Variants in ZNF43 observed in about 807,000 individuals in gnomAD.
The protein encoded by ZNF43 is zinc finger protein 43.
A neutral mutation model predicts 68.4 loss-of-function variants in ZNF43; 44 were observed. That is an observed-to-expected ratio of 0.64 (90% CI 0.51 to 0.83). The LOEUF is 0.83. Among genes scored for constraint, ZNF43 ranks in the 40% least tolerant of loss-of-function variants. ZNF43 has a pLI of 0.00. For missense variants in ZNF43, 896 were observed against 933.2 expected (o/e 0.96, Z 0.52); for synonymous variants, 308 against 307.8 (o/e 1.00, Z -0.01).
intron 1 of ZNF43, chr19:21,851,772 A>G (rs1968387571): frequency 3.1e-6 from 3 of 957,506 alleles, no homozygotes; most frequent in Admixed American, 3.2e-5. Flanking sequence ...CCCAGCCGCC[A>G]TCTTGCGGCC....
intron 1 of ZNF43, among the ~76,000 whole-genome samples, chr19:21,820,218 T>TA (rs1019940595): frequency 2.9e-5 from 4 of 138,208 alleles, no homozygotes; most frequent in South Asian, 2.1e-4. Context: ...ATAATAATAA[T>TA]ATATATATAT....
chr19:21,807,849 C>T lies in ZNF43; in HGVS notation c.2188G>A (p.Gly730Arg). 6.2e-7 allele frequency: 1 copy of T among 1,613,158 alleles called. No individual in the cohort carries two copies. The highest frequency in any genetic ancestry group is 1.7e-5 in the Admixed American group (1 of 59,978). ...NLIEHKKIHTGEQPYKCEECG... is the reference protein window; with the variant it reads ...NLIEHKKIHTREQPYKCEECG... ...TCTTCACATTTGTAGGGTTGCTCTC[C>T]AGTATGAATTTTCTTATGTTCAATA... The change falls in exon 4 of 4, where the codon GGA (glycine) becomes AGA (arginine). Residue 730 changes from glycine to arginine, a missense_variant. Coordinates refer to ENST00000354959, the MANE Select transcript of ZNF43 (RefSeq NM_003423.4).
chr19:21,822,496 G>C (rs1428011524), intron 1 of ZNF43, among the ~76,000 whole-genome samples: 1 of 151,454 alleles, frequency 6.6e-6, no homozygotes, highest in Admixed American at 6.6e-5. Context: ...AAAGCAGAGA[G>C]ATGAACCTAT....
rs766585124 is a variant in ZNF43, at chr19:21,819,223, TA to T, written c.4-3del. On this transcript the variant is annotated splice_polypyrimidine_tract_variant and splice_region_variant and intron_variant, in intron 1 of 3. Coordinates refer to ENST00000354959, the MANE Select transcript of ZNF43 (RefSeq NM_003423.4). The stretch of plus-strand genomic sequence containing the variant: ...CACATCCATAAATGTCAATGGTCCC[TA>T]AAAAAAACAACACATACACACACAA... 1.3e-5 allele frequency: 20 copies of T among 1,582,508 alleles called. No homozygotes were observed. The highest frequency in any genetic ancestry group is 7.0e-5 in the South Asian group (6 of 86,248).
At chr19:21,834,847 T>C (rs2038617449) in intron 1 of ZNF43, among the ~76,000 whole-genome samples, 1 of 151,442 alleles carries the variant, frequency 6.6e-6, no homozygotes, top group Admixed American at 6.6e-5. Flanking sequence ...CATCCAATGA[T>C]TTTTCAAAAA....
At chr19:21,812,943 A>T (rs2037350189) in intron 3 of ZNF43, among the ~76,000 whole-genome samples, 1 of 143,442 alleles carries the variant, frequency 7.0e-6, no homozygotes, top group South Asian at 2.2e-4. Context: ...AAAAAAAAAT[A>T]ATAATAAAAA....
At position 21,807,341 on chromosome 19, in the gene ZNF43, T is replaced by C. The variant is rs1210753481; in HGVS notation, c.*266A>G. On this transcript the variant is annotated 3_prime_UTR_variant, in exon 4 of 4. Transcript: ENST00000354959. Reference sequence around the variant, plus strand: ...TTGACACTAGTTGCATCTATAATGGTTTTATTAAGTACAGACTCTCTGATG... The same window carrying C: ...TTGACACTAGTTGCATCTATAATGGCTTTATTAAGTACAGACTCTCTGATG... The C allele has an allele frequency of 7.3e-6, 2 of 273,132 alleles. No homozygotes were observed. Among genetic ancestry groups the C allele is most frequent in the Non-Finnish European group, 1.4e-5 (2 of 146,246 alleles). 16.9% of individuals were successfully genotyped at this position (273,132 alleles called of 1,614,324 possible). A position where few individuals can be genotyped will look rare whatever the true frequency, so the allele number is the denominator to read the frequency against.
intron 3 of ZNF43, among the ~76,000 whole-genome samples, chr19:21,816,980 C>G (rs1174691212): frequency 1.3e-5 from 2 of 152,178 alleles, no homozygotes; most frequent in African/African-American, 4.8e-5. Context: ...GTGGCTCATG[C>G]CTGTAATCCC....
Position 21,809,327 on chromosome 19 carries a change from T to C in ZNF43, c.710A>G (p.Lys237Arg), listed in dbSNP as rs762670828. The part of the protein sequence containing the change: ...EKPYTCEECG[K>R]VFNWSSRLTT... ...AAGGCGTGAGGACCAATTAAAGACT[T>C]TGCCACATTCTTCACATGTGTAGGG... is the stretch of plus-strand genomic sequence containing the variant. Residue 237 changes from lysine (K) to arginine (R), a missense_variant, in exon 4 of 4, where the codon AAA becomes AGA. Transcript: ENST00000354959. 6.2e-7 allele frequency: 1 copy of C among 1,613,854 alleles called. No homozygotes were observed. The highest frequency in any genetic ancestry group is 8.5e-7 in the Non-Finnish European group (1 of 1,179,916).
intron 1 of ZNF43, among the ~76,000 whole-genome samples, chr19:21,833,021 G>T (rs1192841999): frequency 1.3e-5 from 2 of 152,202 alleles, no homozygotes; most frequent in African/African-American, 4.8e-5. Flanking sequence ...ACCCTGCAAA[G>T]AGAGTAACTG....
rs1055925544 is a variant in ZNF43, at chr19:21,809,935, T to G, written c.230-128A>C. On this transcript the variant is annotated intron_variant, in intron 3 of 3. Coordinates refer to ENST00000354959, the MANE Select transcript of ZNF43 (RefSeq NM_003423.4). ...ATAGAAAAATACCACAGGCCCTAATTTATTTATAGACATATAAATGTAACA... is the reference window on the plus strand; with the variant it reads ...ATAGAAAAATACCACAGGCCCTAATGTATTTATAGACATATAAATGTAACA... The G allele has an allele frequency of 9.9e-5, 88 of 890,160 alleles. 1 individual carries two copies. Among genetic ancestry groups the G allele is most frequent in the Middle Eastern group, 7.2e-4 (2 of 2,786 alleles). The allele number at this position is 890,160 out of a possible 1,614,324, so 55.1% of individuals were successfully genotyped here. A position where few individuals can be genotyped will look rare whatever the true frequency, so the allele number is the denominator to read the frequency against.
intron 1 of ZNF43, among the ~76,000 whole-genome samples, chr19:21,824,252 T>C (rs1246828776): frequency 2.0e-5 from 3 of 152,114 alleles, no homozygotes; most frequent in African/African-American, 7.2e-5. Context: ...ATTAGCTAGC[T>C]CTTAGGTAAG....
chr19:21,820,838 T>C (rs2037797788), intron 1 of ZNF43, among the ~76,000 whole-genome samples: 1 of 149,742 alleles, frequency 6.7e-6, no homozygotes, highest in East Asian at 2.0e-4. Flanking sequence ...TAATTTTTTT[T>C]TTTTTTTTTT....
At chr19:21,810,557 G>A (rs2037226230) in intron 3 of ZNF43, among the ~76,000 whole-genome samples, 3 of 152,136 alleles carry the variant, frequency 2.0e-5, no homozygotes, top group African/African-American at 7.2e-5. Flanking sequence ...AGACTTAACA[G>A]ACTCATACAA....
At chr19:21,810,745 T>G (rs1012196034) in intron 3 of ZNF43, among the ~76,000 whole-genome samples, 4 of 152,140 alleles carry the variant, frequency 2.6e-5, no homozygotes, top group Non-Finnish European at 5.9e-5. Flanking sequence ...GCCACAAGTT[T>G]GAGACCAGCC....
chr19:21,835,067 G>A (rs1176300926), intron 1 of ZNF43, among the ~76,000 whole-genome samples: 1 of 149,950 alleles, frequency 6.7e-6, no homozygotes, highest in East Asian at 2.0e-4. Context: ...CCAATATAGT[G>A]AAATCCCGTC....
At chr19:21,847,136 C>G (rs766763412) in intron 1 of ZNF43, among the ~76,000 whole-genome samples, 7 of 152,166 alleles carry the variant, frequency 4.6e-5, no homozygotes, top group Non-Finnish European at 1.0e-4. Context: ...AAAAACACAG[C>G]ATCTGGTTGC....
Position 21,806,242 on chromosome 19 carries a change from T to C in ZNF43, c.*1365A>G, listed in dbSNP as rs1480521464. Reference sequence around the variant, plus strand: ...CCCAGGTTGGAGTGCAATGGTATGATTTCGGCTCACTGAGACCTCCACTTT... The same window carrying C: ...CCCAGGTTGGAGTGCAATGGTATGACTTCGGCTCACTGAGACCTCCACTTT... On this transcript the variant is annotated 3_prime_UTR_variant, in exon 4 of 4. Transcript: ENST00000354959. 2 of 151,668 alleles carry C rather than the reference T, an allele frequency of 1.3e-5. No homozygotes were observed. The highest frequency in any genetic ancestry group is 3.9e-4 in the East Asian group (2 of 5,154). The allele number at this position is 151,668 out of a possible 1,614,324, so 9.4% of individuals were successfully genotyped here. A position where few individuals can be genotyped will look rare whatever the true frequency, so the allele number is the denominator to read the frequency against.
In ZNF43 at chr19:21,818,003, T is replaced by A. The variant is rs1485996233; in HGVS notation, c.131-17A>T. On this transcript the variant is annotated splice_polypyrimidine_tract_variant and intron_variant, in intron 2 of 3. Coordinates refer to ENST00000354959, the MANE Select transcript of ZNF43 (RefSeq NM_003423.4). The stretch of plus-strand genomic sequence containing the variant: ...CAGCAATACCTGTTTCAATAAAAAA[T>A]AAATTACGTGAATCTTGCTCATATT... The A allele has an allele frequency of 6.2e-7, 1 of 1,603,032 alleles. No homozygotes were observed. The highest frequency in any genetic ancestry group is 8.5e-7 in the Non-Finnish European group (1 of 1,171,322).
Sources: allele counts gnomAD v4.1 joint callset (sites outside exome capture counted in the v4.1 genomes callset), GRCh38; gene constraint gnomAD v4.1.1; transcripts MANE v1.5; gene names NCBI Gene and HGNC (gene_info 2026-07-23, HGNC 2026-07-21).